Variants in GRM5 observed in about 807,000 individuals in gnomAD.
GRM5 encodes the protein metabotropic glutamate receptor 5.
A neutral mutation model predicts 83.1 loss-of-function variants in GRM5; 19 were observed. That is an observed-to-expected ratio of 0.23 (90% CI 0.16 to 0.34). The LOEUF (loss-of-function observed/expected upper bound fraction) is 0.34, where lower values mean the gene tolerates loss of function less well. GRM5 is among the 10% of genes least tolerant of loss of function. The pLI, the probability that GRM5 is intolerant of heterozygous loss-of-function variation, is 1.00. For missense variants in GRM5, 1,160 were observed against 1,588.3 expected, an observed-to-expected ratio of 0.73 and a Z score of 4.58; for synonymous variants, 675 against 633.6, an observed-to-expected ratio of 1.07 and a Z score of -0.98.
In GRM5 at chr11:88,510,578, G is replaced by T. The variant is rs550700742; in HGVS notation, c.2727-1074C>A. On this transcript the variant is annotated intron_variant, in intron 9 of 9. Coordinates refer to ENST00000305447, the MANE Select transcript of GRM5 (RefSeq NM_001143831.3). ...GTTGCCCAGGCTGAAGTGCAGTGGC[G>T]CCATCTCAGCTCACTGCACCCTCGG... Among the ~76,000 whole-genome samples, 15 of 152,206 alleles carry T rather than the reference G, an allele frequency of 9.9e-5. 1 individual carries two copies. Among genetic ancestry groups the T allele is most frequent in the Non-Finnish European group, 1.6e-4 (11 of 68,004 alleles).
At chr11:88,660,943 C>A (rs1363748403) in intron 3 of GRM5, among the ~76,000 whole-genome samples, 1 of 152,198 alleles carries the variant, frequency 6.6e-6, no homozygotes, top group African/African-American at 2.4e-5. Flanking sequence ...ATGGTTCCTT[C>A]TGCTCTGCTT....
rs117598714 is a variant in GRM5 at position 88,596,561 on chromosome 11, A to G, written c.1563+623T>C. 9.9e-3 allele frequency among the ~76,000 whole-genome samples: 1,510 copies of G among 152,224 alleles called. 17 individuals carry two copies. The highest frequency in any genetic ancestry group is 0.074 in the East Asian group (382 of 5,184). ...TTCACTTGTTTCTGGACAGTCTTCA[A>G]TTGACCACTTTTGTCCCTTTTCTTT... On this transcript the variant is annotated intron_variant, in intron 6 of 9. Transcript: ENST00000305447.
chr11:88,709,515 C>T (rs941398213), intron 3 of GRM5, among the ~76,000 whole-genome samples: 3 of 152,042 alleles, frequency 2.0e-5, no homozygotes, highest in African/African-American at 7.2e-5. Flanking sequence ...GAGGAAGAGA[C>T]TTATCAGAAA....
intron 3 of GRM5, among the ~76,000 whole-genome samples, chr11:88,681,834 G>T (rs916568431): frequency 1.3e-5 from 2 of 151,770 alleles, no homozygotes; most frequent in African/African-American, 4.8e-5. Context: ...CTCCCAAAGT[G>T]CTGACATTAC....
intron 2 of GRM5, among the ~76,000 whole-genome samples, chr11:88,875,898 G>C (rs1265959943): frequency 1.3e-5 from 2 of 152,202 alleles, no homozygotes; most frequent in South Asian, 2.1e-4. Context: ...AGGCTTTGCT[G>C]TTCCATTTTT....
At position 88,619,513 on chromosome 11, in the gene GRM5, A is replaced by G. The variant is rs140064738; in HGVS notation, c.1148-14549T>C. On this transcript the variant is annotated intron_variant, in intron 4 of 9. Transcript: ENST00000305447. The stretch of plus-strand genomic sequence containing the variant: ...TGTCCAATAAACTAATTTTAAAGAT[A>G]AGGAAAATAAGACCAAGAGGACTTC... Among the ~76,000 whole-genome samples, 3 of 152,302 alleles carry G rather than the reference A, an allele frequency of 2.0e-5. No individual in the cohort carries two copies. The East Asian group carries it at 5.8e-4, about 29-fold the overall frequency.
In GRM5 at chr11:88,653,281, C is replaced by T. The variant is rs749698738; in HGVS notation, c.1034G>A (p.Arg345Gln). The T allele has an allele frequency of 1.1e-5, 17 of 1,613,050 alleles. No homozygotes were observed. Among genetic ancestry groups the T allele is most frequent in the Admixed American group, 3.3e-5 (2 of 59,862 alleles). The change falls in exon 4 of 10, where the codon CGG becomes CAG. Residue 345 changes from arginine to glutamine, a missense_variant. Arg to Gln is a conservative substitution (Grantham distance 43). Coordinates refer to ENST00000305447, the MANE Select transcript of GRM5 (RefSeq NM_001143831.3). Reference protein sequence around the residue: ...KWFDDYYLKLRPETNHRNPWF... With the variant: ...KWFDDYYLKLQPETNHRNPWF... ...AGGGTTTCGGTGGTTTGTTTCTGGC[C>T]GGAGCTTCAGATAATAATCATCAAA...
intron 2 of GRM5, among the ~76,000 whole-genome samples, chr11:88,977,966 C>A (rs963617545): frequency 2.6e-5 from 4 of 152,166 alleles, no homozygotes; most frequent in Admixed American, 2.6e-4. Flanking sequence ...GTTTTATTAC[C>A]CTTTCATTCA....
chr11:88,958,253 A>G (rs1287502778), intron 2 of GRM5, among the ~76,000 whole-genome samples: 1 of 150,418 alleles, frequency 6.6e-6, no homozygotes, highest in Non-Finnish European at 1.5e-5. Flanking sequence ...TTATATATAT[A>G]TATATAATGT....
At chr11:88,531,237 T>G (rs1189133081) in intron 8 of GRM5, among the ~76,000 whole-genome samples, 1 of 152,024 alleles carries the variant, frequency 6.6e-6, no homozygotes, top group South Asian at 2.1e-4. Context: ...TTGAGAGAGA[T>G]ATGGCGTAGA....
intron 3 of GRM5, among the ~76,000 whole-genome samples, chr11:88,821,658 G>A (rs977071859): frequency 2.0e-5 from 3 of 151,978 alleles, no homozygotes; most frequent in Non-Finnish European, 2.9e-5. Flanking sequence ...TGATCCTTTC[G>A]ATACAAAATT....
At chr11:88,635,881 C>A (rs1330617596) in intron 4 of GRM5, among the ~76,000 whole-genome samples, 1 of 152,106 alleles carries the variant, frequency 6.6e-6, no homozygotes, top group East Asian at 1.9e-4. Flanking sequence ...AGTAAGGGTC[C>A]AATTTTATTT....
At position 88,529,416 on chromosome 11, in the gene GRM5, C is replaced by T. The variant is rs116454018; in HGVS notation, c.2631-4012G>A. On this transcript the variant is annotated intron_variant, in intron 8 of 9. Coordinates refer to ENST00000305447, the MANE Select transcript of GRM5 (RefSeq NM_001143831.3). ...AAATCTGAAAAATTGAGCAGACATGCACCGTGAAGAGAAAATCAGGTGCAA... is the reference window on the plus strand; with the variant it reads ...AAATCTGAAAAATTGAGCAGACATGTACCGTGAAGAGAAAATCAGGTGCAA... Among the ~76,000 whole-genome samples, 254 of 151,244 alleles carry T rather than the reference C, an allele frequency of 1.7e-3. 3 individuals are homozygous for T. The highest frequency in any genetic ancestry group is 5.9e-3 in the African/African-American group (245 of 41,238).
chr11:88,849,143 GTA>G (rs148621029), intron 3 of GRM5, among the ~76,000 whole-genome samples: 6 of 150,066 alleles, frequency 4.0e-5, no homozygotes, highest in Non-Finnish European at 4.4e-5. Context: ...TATCATATGT[GTA>G]TATATATATA....
At chr11:88,798,805 C>CAAAAAA (rs4002396) in intron 3 of GRM5, among the ~76,000 whole-genome samples, 1,413 of 54,828 alleles carry the variant, frequency 0.026, 30 homozygotes, top group African/African-American at 0.076. Context: ...ATGAAAACAC[C>CAAAAAA]AAAAAAAAAA....
chr11:88,669,444 C>T (rs1310218039), intron 3 of GRM5, among the ~76,000 whole-genome samples: 2 of 151,734 alleles, frequency 1.3e-5, no homozygotes, highest in East Asian at 3.9e-4. Flanking sequence ...CTACTTTTTC[C>T]CAATATTTTA....
intron 2 of GRM5, among the ~76,000 whole-genome samples, chr11:88,867,870 G>A (rs924593304): frequency 7.9e-5 from 12 of 151,810 alleles, no homozygotes; most frequent in African/African-American, 2.9e-4. Context: ...GAGTCTATTG[G>A]TTTGTTGTTA....
intron 2 of GRM5, among the ~76,000 whole-genome samples, chr11:88,906,863 G>C (rs538739336): frequency 6.6e-6 from 1 of 152,048 alleles, no homozygotes; most frequent in Non-Finnish European, 1.5e-5. Flanking sequence ...AGGAATCCAC[G>C]CCAGAAAAGG....
rs192356172 is a variant in GRM5, at chr11:89,047,960, G to A, written c.-88C>T. 1.8e-4 allele frequency: 168 copies of A among 925,390 alleles called. 1 individual carries two copies. The East Asian group carries it at 3.3e-3, about 18-fold the overall frequency. 57.3% of individuals were successfully genotyped at this position (925,390 alleles called of 1,614,324 possible). On this transcript the variant is annotated 5_prime_UTR_variant, in exon 2 of 10. It adds an upstream start codon to the 5' untranslated region. Transcript: ENST00000305447. This position sits in a 1 kb window ranked among gnomAD's most constrained non-coding sequence, Gnocchi z 5.1. ...TAGCTACGAACAAGCGATGTCCTACGTTGAGTCGCAAATCAAGAAATTAGC... is the reference window on the plus strand; with the variant it reads ...TAGCTACGAACAAGCGATGTCCTACATTGAGTCGCAAATCAAGAAATTAGC...
Sources: gnomAD v4.1 joint callset for allele counts (sites outside exome capture counted in the v4.1 genomes callset) on GRCh38, gnomAD v4.1.1 for gene constraint, Gnocchi (gnomAD v3.1) non-coding constraint, MANE v1.5 for transcripts, NCBI Gene and HGNC (gene_info 2026-07-23, HGNC 2026-07-21) for gene names.